AP3S2: variants seen among roughly 807,000 people sequenced by gnomAD.
The protein encoded by AP3S2 is adaptor related protein complex 3 subunit sigma 2, also known as AP-3 complex subunit sigma-2.
In AP3S2, 22 loss-of-function variants were observed where a neutral mutation model predicts 23.4. The ratio of observed to expected loss-of-function variants is 0.94; its 90% CI spans 0.67 to 1.34. The LOEUF is 1.34. Ranked by LOEUF, AP3S2 falls within the 40% of genes most tolerant of loss-of-function variation. The probability of loss-of-function intolerance (pLI) is 0.00; values close to 1 mark genes in which losing one functional copy is unlikely to be tolerated. For missense variants in AP3S2, 241 were observed against 236.9 expected (o/e 1.02, Z -0.11); for synonymous variants, 86 against 87.1 (o/e 0.99, Z 0.07).
intron 4 of AP3S2, among the ~76,000 whole-genome samples, chr15:89,854,032 C>CA (rs2141854895): frequency 1.9e-5 from 1 of 52,640 alleles, no homozygotes; most frequent in Non-Finnish European, 4.0e-5. Context: ...GGGGGGTCAG[C>CA]CCCCCGCCCG....
chr15:89,888,294 A>G (rs1896744092), intron 3 of AP3S2, among the ~76,000 whole-genome samples: 1 of 152,248 alleles, frequency 6.6e-6, no homozygotes, highest in Admixed American at 6.5e-5. Flanking sequence ...GCCAAAGTAT[A>G]AATTTGTAAA....
chr15:89,876,954 G>C (rs548333206), intron 3 of AP3S2: 181 of 266,460 alleles, frequency 6.8e-4, no homozygotes, highest in Non-Finnish European at 1.1e-3. Context: ...GCTGTACCTA[G>C]GGATTATGAC....
intron 4 of AP3S2, among the ~76,000 whole-genome samples, chr15:89,858,168 T>G (rs1409537343): frequency 1.3e-5 from 2 of 152,092 alleles, no homozygotes; most frequent in East Asian, 3.8e-4. Flanking sequence ...CTGGGTGTGG[T>G]GGCTCACACC....
At chr15:89,868,022 G>A (rs1228108946) in intron 4 of AP3S2, among the ~76,000 whole-genome samples, 26 of 139,330 alleles carry the variant, frequency 1.9e-4, no homozygotes, top group South Asian at 4.7e-4. Context: ...CAGCCGCCCC[G>A]TCCAGGAGGT....
intron 4 of AP3S2, among the ~76,000 whole-genome samples, chr15:89,862,582 T>G (rs1896031795): frequency 6.6e-6 from 1 of 152,114 alleles, no homozygotes; most frequent in African/African-American, 2.4e-5. Flanking sequence ...AGAAGGACAT[T>G]ACAGAAAAAA....
At position 89,871,488 on chromosome 15, in the gene AP3S2, A is replaced by C. The variant is rs764739533; in HGVS notation, c.332T>G (p.Phe111Cys). ...FENVCELDLI[F>C]HMDKVHYILQ... is the part of the protein sequence containing the mutation. ...AAGAGAATATACCTTATCCATATGG[A>C]AGATCAAATCCAATTCACACACATT... is the stretch of plus-strand genomic sequence containing the variant. The change falls in exon 4 of 6, where the codon TTC (phenylalanine) becomes TGC (cysteine). Residue 111 changes from phenylalanine to cysteine, a missense_variant. Phe to Cys is a radical substitution (Grantham distance 205). Transcript: ENST00000336418. The C allele has an allele frequency of 1.2e-6, 2 of 1,613,708 alleles. No homozygotes were observed. The highest frequency in any genetic ancestry group is 1.7e-6 in the Non-Finnish European group (2 of 1,179,912).
chr15:89,891,387 G>A (rs1000238643), intron 1 of AP3S2, among the ~76,000 whole-genome samples: 7 of 152,122 alleles, frequency 4.6e-5, no homozygotes, highest in Non-Finnish European at 1.0e-4. Context: ...AGCTGGGTGC[G>A]GTGGCTCACG....
intron 1 of AP3S2, among the ~76,000 whole-genome samples, chr15:89,892,698 C>T (rs1436957382): frequency 6.6e-6 from 1 of 152,192 alleles, no homozygotes; most frequent in Non-Finnish European, 1.5e-5. Context: ...GAGTCTCGCT[C>T]TTTCGCCCAG....
intron 1 of AP3S2, chr15:89,893,663 C>T: frequency 1.9e-6 from 1 of 538,096 alleles, no homozygotes; most frequent in Non-Finnish European, 3.3e-6. Flanking sequence ...ATGCCAGGAT[C>T]AAGAAAAGGG....
chr15:89,886,507 A>G (rs1896705681), intron 3 of AP3S2: 1 of 152,068 alleles, frequency 6.6e-6, no homozygotes, highest in Non-Finnish European at 1.5e-5. Flanking sequence ...TGCTTCACCA[A>G]TTTGCATGTC....
At chr15:89,859,762 C>CTTTTTTT (rs34836617) in intron 4 of AP3S2, among the ~76,000 whole-genome samples, 1 of 117,326 alleles carries the variant, frequency 8.5e-6, no homozygotes, top group Non-Finnish European at 1.7e-5. Context: ...TATTGCTGAT[C>CTTTTTTT]TTTTTTTTTT....
rs995888789 is a variant in AP3S2 at position 89,843,849 on chromosome 15, A to T, written c.346-6127T>A. 2.6e-4 allele frequency among the ~76,000 whole-genome samples: 39 copies of T among 152,158 alleles called. 1 individual carries two copies. The highest frequency in any genetic ancestry group is 8.8e-5 in the Non-Finnish European group (6 of 68,026). On this transcript the variant is annotated intron_variant, in intron 4 of 5. Coordinates refer to ENST00000336418, the MANE Select transcript of AP3S2 (RefSeq NM_005829.5). ...AACAAAAACAAAAAAACTACGGCAA[A>T]AACTTACGGTGAGCACTGAAAACTA...
rs1896880687 is a variant in AP3S2, at chr15:89,893,953, T to C, written c.-4A>G. On this transcript the variant is annotated 5_prime_UTR_variant, in exon 1 of 6. Coordinates refer to ENST00000336418, the MANE Select transcript of AP3S2 (RefSeq NM_005829.5). ...AAACCAGAATCGCCTGAATCATCTT[T>C]GCCAGCCACGGTTCTCTCAGCACCG... The C allele has an allele frequency of 3.9e-6, 6 of 1,551,468 alleles. No homozygotes were observed. Among genetic ancestry groups the C allele is most frequent in the Non-Finnish European group, 5.2e-6 (6 of 1,146,984 alleles).
chr15:89,861,308 TA>T (rs200678855), intron 4 of AP3S2, among the ~76,000 whole-genome samples: 1 of 151,566 alleles, frequency 6.6e-6, no homozygotes, highest in African/African-American at 2.4e-5. Context: ...GAAATCTATT[TA>T]AAAAAAAATA....
intron 3 of AP3S2, among the ~76,000 whole-genome samples, chr15:89,881,823 A>C (rs1405918811): frequency 6.9e-6 from 1 of 144,674 alleles, no homozygotes; most frequent in Non-Finnish European, 1.5e-5. Context: ...CATACTCTTC[A>C]TTTTTTTTTT....
intron 3 of AP3S2, chr15:89,878,439 T>C (rs1167196805): frequency 6.4e-6 from 3 of 470,716 alleles, no homozygotes; most frequent in East Asian, 3.4e-5. Flanking sequence ...AGTGGACAAA[T>C]ATCGTAGACA....
chr15:89,870,663 GA>G (rs1264211203), intron 4 of AP3S2, among the ~76,000 whole-genome samples: 1 of 152,158 alleles, frequency 6.6e-6, no homozygotes, highest in Non-Finnish European at 1.5e-5. Flanking sequence ...TCATCATGAT[GA>G]AAAGGTTAAT....
intron 3 of AP3S2, among the ~76,000 whole-genome samples, chr15:89,885,215 G>A (rs1030964863): frequency 1.3e-5 from 2 of 150,406 alleles, no homozygotes; most frequent in African/African-American, 4.9e-5. Flanking sequence ...TTTTTTTTGA[G>A]ATAGAGTCTC....
At chr15:89,867,807 T>C (rs1596207459) in intron 4 of AP3S2, among the ~76,000 whole-genome samples, 1 of 128,016 alleles carries the variant, frequency 7.8e-6, no homozygotes, top group East Asian at 2.6e-4. Context: ...GAGGAGCCCC[T>C]CCGCCCGGCA....
Sources: gnomAD v4.1 joint callset for allele counts (sites outside exome capture counted in the v4.1 genomes callset) on GRCh38, gnomAD v4.1.1 for gene constraint, MANE v1.5 for transcripts, NCBI Gene and HGNC (gene_info 2026-07-23, HGNC 2026-07-21) for gene names.